The following PLAC1 variants were observed in gnomAD, a reference collection of about 807,000 sequenced individuals.
The protein encoded by PLAC1 is placenta-specific protein 1.
For missense variants in PLAC1, 136 were observed against 163.2 expected, an observed-to-expected ratio of 0.83 and a Z score of 0.91; for synonymous variants, 68 against 62.1, an observed-to-expected ratio of 1.09 and a Z score of -0.44.
intron 1 of PLAC1, among the ~76,000 whole-genome samples, chrX:134,742,066 T>C (rs1333330445): frequency 8.9e-6 from 1 of 112,306 alleles, no homozygotes; most frequent in Non-Finnish European, 1.9e-5. Context: ...AGAGCCTTTT[T>C]CCACCCTCAT....
chrX:134,725,968 G>A (rs189851443), intron 2 of PLAC1, among the ~76,000 whole-genome samples: 28 of 111,799 alleles, frequency 2.5e-4, no homozygotes, highest in Non-Finnish European at 4.5e-4. Flanking sequence ...CTGCACTCCA[G>A]CCTGGGTGAC....
chrX:134,695,163 A>G (rs1057200465), intron 2 of PLAC1, among the ~76,000 whole-genome samples: 5 of 111,998 alleles, frequency 4.5e-5, no homozygotes, highest in African/African-American at 1.6e-4. Context: ...CAAGGCCCCA[A>G]TGCAAGAGAT....
chrX:134,708,911 T>C (rs2078618770), intron 2 of PLAC1, among the ~76,000 whole-genome samples: 1 of 111,594 alleles, frequency 9.0e-6, no homozygotes, highest in Admixed American at 9.5e-5. Flanking sequence ...TGTATCAATG[T>C]CGAATTCTTA....
upstream of PLAC1, among the ~76,000 whole-genome samples, chrX:134,661,795 C>CA (rs1434206925): frequency 8.9e-6 from 1 of 111,743 alleles, no homozygotes; most frequent in African/African-American, 3.3e-5. Context: ...TACTCCCCAA[C>CA]AAAAAAAGAC....
chrX:134,741,270 C>T (rs1184693114), intron 1 of PLAC1, among the ~76,000 whole-genome samples: 1 of 112,180 alleles, frequency 8.9e-6, no homozygotes, highest in Non-Finnish European at 1.9e-5. Flanking sequence ...ATAGCAGAGC[C>T]TTTTTACCAA....
intron 2 of PLAC1, among the ~76,000 whole-genome samples, chrX:134,684,366 T>G: frequency 9.4e-6 from 1 of 105,929 alleles, no homozygotes; most frequent in Non-Finnish European, 1.9e-5. Flanking sequence ...GGATTGAATC[T>G]TACCATCTCC....
chrX:134,580,004 G>A (rs1015098951), intron 2 of PLAC1, among the ~76,000 whole-genome samples: 1 of 112,109 alleles, frequency 8.9e-6, no homozygotes, highest in African/African-American at 3.2e-5. Flanking sequence ...TTCCCACGTG[G>A]CTACCTTCCG....
chrX:134,608,750 ACTGCAAT>A (rs1205707027), intron 1 of PLAC1, among the ~76,000 whole-genome samples: 1 of 101,530 alleles, frequency 9.8e-6, no homozygotes, highest in African/African-American at 3.7e-5. Context: ...ATCTCCGCTC[ACTGCAAT>A]CTCCGCCTCC....
intron 2 of PLAC1, among the ~76,000 whole-genome samples, chrX:134,714,611 A>G (rs1480742171): frequency 9.0e-6 from 1 of 111,420 alleles, no homozygotes; most frequent in African/African-American, 3.3e-5. Flanking sequence ...ATCTTCTCGG[A>G]TAGAAACTCT....
chrX:134,581,476 CTTTTT>C (rs35457928), intron 2 of PLAC1, among the ~76,000 whole-genome samples: 1 of 58,931 alleles, frequency 1.7e-5, no homozygotes, highest in Non-Finnish European at 2.9e-5. Flanking sequence ...TTCTCAGACT[CTTTTT>C]TTTTTTTTTT....
intron 1 of PLAC1, among the ~76,000 whole-genome samples, chrX:134,627,675 CTTCCAGTTCTAT>C (rs1423605489): frequency 8.9e-6 from 1 of 112,577 alleles, no homozygotes; most frequent in African/African-American, 3.2e-5. Flanking sequence ...TCAGTTTCTC[CTTCCAGTTCTAT>C]TTCACAGAAT....
chrX:134,720,676 T>A (rs926420602), intron 2 of PLAC1, among the ~76,000 whole-genome samples: 1 of 112,422 alleles, frequency 8.9e-6, no homozygotes, highest in Non-Finnish European at 1.9e-5. Flanking sequence ...TAAATTGGAC[T>A]ATATGAAAAT....
intron 2 of PLAC1, among the ~76,000 whole-genome samples, chrX:134,594,440 A>G (rs771030981): frequency 1.8e-5 from 2 of 111,581 alleles, no homozygotes; most frequent in South Asian, 3.7e-4. Flanking sequence ...CTCTACTTCT[A>G]TTTTCTGGAA....
chrX:134,664,450 C>A (rs1270581722), intron 2 of PLAC1, among the ~76,000 whole-genome samples: 3 of 112,292 alleles, frequency 2.7e-5, no homozygotes, highest in African/African-American at 9.7e-5. Flanking sequence ...ATTCACACAA[C>A]TGCCAGGCAA....
chrX:134,622,589 T>C (rs1037788428), intron 1 of PLAC1, among the ~76,000 whole-genome samples: 41 of 111,757 alleles, frequency 3.7e-4, no homozygotes, highest in African/African-American at 1.3e-3. Context: ...GGGCCTCAGT[T>C]ACTTTTTTAG....
At chrX:134,701,955 G>A (rs987235715) in intron 2 of PLAC1, among the ~76,000 whole-genome samples, 1 of 111,986 alleles carries the variant, frequency 8.9e-6, no homozygotes, top group Non-Finnish European at 1.9e-5. Context: ...GGAGGCAGAG[G>A]TTGCATTGAG....
At chrX:134,578,522 T>TG (rs2077956638) in intron 2 of PLAC1, among the ~76,000 whole-genome samples, 1 of 93,837 alleles carries the variant, frequency 1.1e-5, no homozygotes. Flanking sequence ...TTTCTTTTTT[T>TG]TTTTTTTTTT....
chrX:134,667,857 T>G (rs1164532680), intron 2 of PLAC1, among the ~76,000 whole-genome samples: 1 of 109,465 alleles, frequency 9.1e-6, no homozygotes, highest in Non-Finnish European at 1.9e-5. Flanking sequence ...GACTAGGAGT[T>G]TGAGGCTGCA....
At chrX:134,575,188 T>C (rs774018561) in intron 2 of PLAC1, among the ~76,000 whole-genome samples, 2 of 111,092 alleles carry the variant, frequency 1.8e-5, no homozygotes, top group African/African-American at 6.5e-5. Context: ...CGAGCCTGAA[T>C]GTTCCCAAAA....
Sources: allele counts gnomAD v4.1 joint callset (sites outside exome capture counted in the v4.1 genomes callset), GRCh38; gene constraint gnomAD v4.1.1; transcripts MANE v1.5; gene names NCBI Gene and HGNC (gene_info 2026-07-23, HGNC 2026-07-21).